TOP1: variants seen among roughly 807,000 people sequenced by gnomAD.
TOP1 encodes DNA topoisomerase I.
Under a neutral mutation model 111.1 loss-of-function variants are expected in TOP1, and 10 were observed. The ratio of observed to expected loss-of-function variants is 0.09; its 90% CI spans 0.06 to 0.15. The LOEUF is 0.15. Ranked by LOEUF, TOP1 falls within the 10% of genes least tolerant of loss-of-function variation. The probability of loss-of-function intolerance (pLI) is 1.00; values close to 1 mark genes in which losing one functional copy is unlikely to be tolerated. For missense variants in TOP1, 474 were observed against 926.7 expected (o/e 0.51, Z 6.34); for synonymous variants, 271 against 302.9 (o/e 0.89, Z 1.10).
In TOP1 at chr20:41,080,134, C is replaced by T. The variant is rs1222089910; in HGVS notation, c.385C>T (p.Pro129Ser). The change falls in exon 6 of 21, where the codon CCT becomes TCT. Residue 129 changes from proline (P) to serine (S), a missense_variant. Transcript: ENST00000361337. This position sits in a 1 kb window ranked among gnomAD's most constrained non-coding sequence, Gnocchi z 5.0. ...TGAAGATGATGGCTATTTTGTTCCT[C>T]CTAAAGAGGATATAAAGCCATTAAA... ...EPEDDGYFVP[P>S]KEDIKPLKRP... 2.5e-6 allele frequency: 4 copies of T among 1,611,240 alleles called. No homozygotes were observed. Among genetic ancestry groups the T allele is most frequent in the African/African-American group, 2.7e-5 (2 of 74,848 alleles).
intron 2 of TOP1, among the ~76,000 whole-genome samples, chr20:41,043,549 C>T (rs1470089198): frequency 6.6e-6 from 1 of 152,162 alleles, no homozygotes; most frequent in Non-Finnish European, 1.5e-5. Context: ...GAATGGCCTG[C>T]GCATTTCAAG....
At chr20:41,035,419 G>A (rs1280684028) in intron 2 of TOP1, among the ~76,000 whole-genome samples, 1 of 152,096 alleles carries the variant, frequency 6.6e-6, no homozygotes, top group Non-Finnish European at 1.5e-5. Context: ...GGAGCCTAAA[G>A]AACACAGTTC....
intron 2 of TOP1, among the ~76,000 whole-genome samples, chr20:41,039,459 T>TA (rs1294843425): frequency 6.6e-6 from 1 of 152,224 alleles, no homozygotes; most frequent in African/African-American, 2.4e-5. Flanking sequence ...TCCAAACTCT[T>TA]ATTTCTTAAA....
At chr20:41,062,026 C>T (rs1000049948) in intron 3 of TOP1, among the ~76,000 whole-genome samples, 3 of 152,174 alleles carry the variant, frequency 2.0e-5, no homozygotes, top group South Asian at 2.1e-4. Context: ...CCTACAATCA[C>T]CAATATGAAT....
intron 7 of TOP1, among the ~76,000 whole-genome samples, chr20:41,081,870 T>C (rs143126849): frequency 3.6e-4 from 55 of 152,346 alleles, no homozygotes; most frequent in African/African-American, 1.2e-3. Context: ...GGAACACACA[T>C]GCTCCCTTCT....
chr20:41,041,484 T>C (rs1052909789), intron 2 of TOP1, among the ~76,000 whole-genome samples: 9 of 151,436 alleles, frequency 5.9e-5, no homozygotes, highest in African/African-American at 2.2e-4. Context: ...TCATCCTGTA[T>C]GGTCAATACA....
At chr20:41,033,685 AT>A (rs1277290639) in intron 2 of TOP1, among the ~76,000 whole-genome samples, 1 of 152,242 alleles carries the variant, frequency 6.6e-6, no homozygotes, top group Admixed American at 6.5e-5. Flanking sequence ...GAAGTTTCAG[AT>A]TATACTAAAA....
In TOP1 at chr20:41,029,268, C is replaced by T. The variant is rs981402454; in HGVS notation, c.34-163C>T. 2.0e-5 allele frequency among the ~76,000 whole-genome samples: 3 copies of T among 151,954 alleles called. No homozygotes were observed. The East Asian group carries it at 5.8e-4, about 30-fold the overall frequency. ...GGCTCGCTAGGCCGCGAGCGAGGGC[C>T]GCGAAGTTACAGTTCGAGGCAGGGA... On this transcript the variant is annotated intron_variant, in intron 1 of 20. Transcript: ENST00000361337. The surrounding 1 kb of genome is among the most constrained non-coding windows in gnomAD (Gnocchi z 6.1).
chr20:41,095,120 T>G lies in TOP1; in HGVS notation c.731-2100T>G, dbSNP rs1446213132. On this transcript the variant is annotated intron_variant, in intron 9 of 20. Coordinates refer to ENST00000361337, the MANE Select transcript of TOP1 (RefSeq NM_003286.4). The surrounding 1 kb of genome is among the most constrained non-coding windows in gnomAD (Gnocchi z 4.6). ...AGGCTGGAGTGCAGTGGCACAATCTTGGCTCACTGCAGCCTCCACCTCCAA... is the reference window on the plus strand; with the variant it reads ...AGGCTGGAGTGCAGTGGCACAATCTGGGCTCACTGCAGCCTCCACCTCCAA... 2.6e-5 allele frequency among the ~76,000 whole-genome samples: 4 copies of G among 152,166 alleles called. No homozygotes were observed. The highest frequency in any genetic ancestry group is 5.9e-5 in the Non-Finnish European group (4 of 68,024).
In TOP1 at chr20:41,076,167, A is replaced by G. The variant is rs1410822844; in HGVS notation, c.156-4A>G. The stretch of plus-strand genomic sequence containing the variant: ...CTAACGCTTTGTGACTTAACTTTTT[A>G]CAGTGAACATAAAGATTCTGAAAAG... On this transcript the variant is annotated splice_polypyrimidine_tract_variant and splice_region_variant and intron_variant, in intron 3 of 20. Coordinates refer to ENST00000361337, the MANE Select transcript of TOP1 (RefSeq NM_003286.4). 1 of 1,606,778 alleles carries G rather than the reference A, an allele frequency of 6.2e-7. No homozygotes were observed. Among genetic ancestry groups the G allele is most frequent in the East Asian group, 2.2e-5 (1 of 44,782 alleles).
At position 41,029,177 on chromosome 20, in the gene TOP1, C is replaced by T. The variant is rs1568666522; in HGVS notation, c.33+77C>T. 3.4e-6 allele frequency: 4 copies of T among 1,173,650 alleles called. No homozygotes were observed. Among genetic ancestry groups the T allele is most frequent in the Non-Finnish European group, 4.5e-6 (4 of 892,638 alleles). 72.7% of individuals were successfully genotyped at this position (1,173,650 alleles called of 1,614,324 possible). On this transcript the variant is annotated intron_variant, in intron 1 of 20. Coordinates refer to ENST00000361337, the MANE Select transcript of TOP1 (RefSeq NM_003286.4). This position sits in a 1 kb window ranked among gnomAD's most constrained non-coding sequence, Gnocchi z 6.1. ...CGACCCCCGGCGCAGGCCCCGACCC[C>T]AGCCCCGGCCCGGCAGCTTTGACAG... is the stretch of plus-strand genomic sequence containing the variant.
intron 18 of TOP1, among the ~76,000 whole-genome samples, chr20:41,120,251 C>T (rs2034400606): frequency 1.3e-5 from 2 of 152,156 alleles, no homozygotes; most frequent in African/African-American, 4.8e-5. Flanking sequence ...GAATCAGTCC[C>T]CTCAGTTTGG....
intron 3 of TOP1, chr20:41,072,760 A>C: frequency 1.0e-6 from 1 of 985,470 alleles, no homozygotes; most frequent in Non-Finnish European, 1.2e-6. Flanking sequence ...TGTATTCAGA[A>C]GCCTGGTGGA....
chr20:41,052,222 A>G (rs567507142), intron 2 of TOP1, among the ~76,000 whole-genome samples: 10 of 152,320 alleles, frequency 6.6e-5, no homozygotes, highest in Admixed American at 5.2e-4. Context: ...GATATTTTTC[A>G]CTGTTGCACT....
At chr20:41,073,315 G>A (rs2033688423) in intron 3 of TOP1, 1 of 984,598 alleles carries the variant, frequency 1.0e-6, no homozygotes, top group Non-Finnish European at 1.2e-6. Context: ...AAAGGAAGAT[G>A]GAGTGTTCCT....
chr20:41,086,726 A>T (rs988416166), intron 8 of TOP1, among the ~76,000 whole-genome samples: 1 of 152,212 alleles, frequency 6.6e-6, no homozygotes, highest in African/African-American at 2.4e-5. Flanking sequence ...ATTTTGGGTT[A>T]AAGGGGAACT....
chr20:41,116,858 G>A lies in TOP1; in HGVS notation c.1822+466G>A, dbSNP rs577148832. On this transcript the variant is annotated intron_variant, in intron 17 of 20. Transcript: ENST00000361337. The surrounding 1 kb of genome is among the most constrained non-coding windows in gnomAD (Gnocchi z 5.6). ...TTAGAATATTATCACCAAGATCCAC[G>A]GGCTTTTTTTTTCCTGGAGCCCAGT... is the stretch of plus-strand genomic sequence containing the variant. 7.1e-4 allele frequency among the ~76,000 whole-genome samples: 108 copies of A among 152,036 alleles called. 2 individuals are homozygous for A. The highest frequency in any genetic ancestry group is 6.0e-3 in the Admixed American group (91 of 15,280).
Position 41,077,582 on chromosome 20 carries a change from G to A in TOP1, c.280G>A (p.Val94Ile), listed in dbSNP as rs529981663. The part of the protein sequence containing the change: ...RDKEKRKEEK[V>I]RASGDAKIKK... ...TAGTTACTGTTGTTTTACTTTTCAG[G>A]TTCGAGCCTCTGGGGATGCAAAAAT... is the stretch of plus-strand genomic sequence containing the variant. Residue 94 changes from valine (V) to isoleucine (I), a missense_variant and splice_region_variant, in exon 5 of 21, where the codon GTT (valine) becomes ATT (isoleucine). Physicochemically the swap from Val to Ile is conservative, Grantham distance 29. Transcript: ENST00000361337. 1 of 1,613,864 alleles carries A rather than the reference G, an allele frequency of 6.2e-7. No individual in the cohort carries two copies. The highest frequency in any genetic ancestry group is 8.5e-7 in the Non-Finnish European group (1 of 1,179,814).
chr20:41,105,395 T>C (rs763356222), intron 13 of TOP1, among the ~76,000 whole-genome samples: 2 of 152,242 alleles, frequency 1.3e-5, no homozygotes, highest in Non-Finnish European at 2.9e-5. Context: ...TCTCCAGCTT[T>C]GATTTTGTGG....
Sources: gnomAD v4.1 joint callset for allele counts (sites outside exome capture counted in the v4.1 genomes callset) on GRCh38, gnomAD v4.1.1 for gene constraint, Gnocchi (gnomAD v3.1) non-coding constraint, MANE v1.5 for transcripts, NCBI Gene and HGNC (gene_info 2026-07-23, HGNC 2026-07-21) for gene names.